The following PCSK2 variants were observed in gnomAD, a reference collection of about 807,000 sequenced individuals.
The protein encoded by PCSK2 is neuroendocrine convertase 2.
PCSK2 carries 14 observed loss-of-function variants against 69.7 expected under a neutral mutation model. The ratio of observed to expected loss-of-function variants is 0.20; its 90% confidence interval spans 0.13 to 0.31. PCSK2 has a LOEUF of 0.31. PCSK2 is among the 10% of genes least tolerant of loss of function. PCSK2 has a pLI of 1.00. For missense variants in PCSK2, 544 were observed against 842.5 expected (o/e 0.65, Z 4.39); for synonymous variants, 307 against 320.7 (o/e 0.96, Z 0.46).
At chr20:17,269,973 A>C (rs1987797962) in intron 2 of PCSK2, among the ~76,000 whole-genome samples, 1 of 152,102 alleles carries the variant, frequency 6.6e-6, no homozygotes, top group Non-Finnish European at 1.5e-5. Flanking sequence ...TTTTAAAAGA[A>C]TTTCCTGTTA....
At chr20:17,350,917 G>A (rs1425091123) in intron 2 of PCSK2, among the ~76,000 whole-genome samples, 1 of 152,028 alleles carries the variant, frequency 6.6e-6, no homozygotes, top group Non-Finnish European at 1.5e-5. Flanking sequence ...GCGAATGGCT[G>A]TAGTCCCAGC....
chr20:17,267,576 G>C (rs922333467), intron 2 of PCSK2, among the ~76,000 whole-genome samples: 4 of 152,180 alleles, frequency 2.6e-5, no homozygotes, highest in Non-Finnish European at 5.9e-5. Flanking sequence ...TATTTGTGGG[G>C]AACAGGGGAG....
chr20:17,459,561 C>T (rs933632228), intron 10 of PCSK2, among the ~76,000 whole-genome samples: 2 of 152,092 alleles, frequency 1.3e-5, no homozygotes, highest in Admixed American at 1.3e-4. Context: ...TTACAGTTGC[C>T]CCACATCCTT....
intron 5 of PCSK2, among the ~76,000 whole-genome samples, chr20:17,380,083 T>C (rs2031048015): frequency 6.6e-6 from 1 of 152,230 alleles, no homozygotes; most frequent in Non-Finnish European, 1.5e-5. Context: ...CAGTGACACC[T>C]TGATTTCAGC....
At position 17,242,658 on chromosome 20, in the gene PCSK2, C is replaced by A. The variant is rs1359847369; in HGVS notation, c.177+15176C>A. Among the ~76,000 whole-genome samples the A allele has an allele frequency of 7.2e-5, 11 of 152,250 alleles. No homozygotes were observed. The South Asian group carries it at 2.1e-3, about 29-fold the overall frequency. ...AGACCATGCTAACCTGGTGACACAT[C>A]CTAATAAGTTGAGGCTGAATGAGAT... On this transcript the variant is annotated intron_variant, in intron 1 of 11. Coordinates refer to ENST00000262545, the MANE Select transcript of PCSK2 (RefSeq NM_002594.5).
chr20:17,318,099 T>TCAA (rs1989745248), intron 2 of PCSK2, among the ~76,000 whole-genome samples: 1 of 152,230 alleles, frequency 6.6e-6, no homozygotes, highest in African/African-American at 2.4e-5. Flanking sequence ...CTGGATGTGT[T>TCAA]CTAAGATCTG....
At chr20:17,305,546 A>G (rs1018143336) in intron 2 of PCSK2, among the ~76,000 whole-genome samples, 4 of 152,170 alleles carry the variant, frequency 2.6e-5, no homozygotes, top group African/African-American at 9.7e-5. Flanking sequence ...CATGTGATTG[A>G]AACTGGTCAC....
intron 2 of PCSK2, among the ~76,000 whole-genome samples, chr20:17,291,998 T>C (rs1988713208): frequency 6.6e-6 from 1 of 152,174 alleles, no homozygotes; most frequent in Admixed American, 6.5e-5. Context: ...AAAAATATCA[T>C]TGCCCACACC....
intron 6 of PCSK2, 44 bp downstream of exon 6, chr20:17,409,383 G>T: frequency 7.5e-7 from 1 of 1,336,002 alleles, no homozygotes; most frequent in Non-Finnish European, 1.1e-6. Context: ...AGGCTTTGGG[G>T]TTTTATTCTA....
In PCSK2 at chr20:17,453,191, T is replaced by C. The variant is rs541344060; in HGVS notation, c.886-551T>C. Among the ~76,000 whole-genome samples, 17 of 152,296 alleles carry C rather than the reference T, an allele frequency of 1.1e-4. No individual in the cohort carries two copies. In the South Asian group the frequency reaches 1.9e-3, roughly 17 times the overall value. On this transcript the variant is annotated intron_variant, in intron 8 of 11. Transcript: ENST00000262545. The surrounding 1 kb of genome is among the most constrained non-coding windows in gnomAD (Gnocchi z 4.0). ...AAATGTATGCTTTATATTTATAATGTCTACATATCATATTTAAATTTATAT... is the reference window on the plus strand; with the variant it reads ...AAATGTATGCTTTATATTTATAATGCCTACATATCATATTTAAATTTATAT...
chr20:17,282,044 T>C (rs73897860), intron 2 of PCSK2, among the ~76,000 whole-genome samples: 2,802 of 152,270 alleles, frequency 0.018, 92 homozygotes, highest in African/African-American at 0.064. Flanking sequence ...GAATATTCTC[T>C]ATTAGTCTGA....
At chr20:17,341,511 G>T (rs968009931) in intron 2 of PCSK2, among the ~76,000 whole-genome samples, 2 of 152,112 alleles carry the variant, frequency 1.3e-5, no homozygotes, top group Non-Finnish European at 2.9e-5. Context: ...TCAAAGAAGG[G>T]GTCTTGCTGA....
At chr20:17,392,169 G>A (rs1322542142) in intron 5 of PCSK2, among the ~76,000 whole-genome samples, 1 of 152,100 alleles carries the variant, frequency 6.6e-6, no homozygotes, top group Non-Finnish European at 1.5e-5. Flanking sequence ...TTCTAAACTC[G>A]AGAGAATATG....
At chr20:17,308,139 T>C (rs1989385079) in intron 2 of PCSK2, among the ~76,000 whole-genome samples, 1 of 151,332 alleles carries the variant, frequency 6.6e-6, no homozygotes, top group African/African-American at 2.4e-5. Context: ...TGCTACACAC[T>C]TTTAAACAAC....
chr20:17,426,703 G>A (rs921402615), intron 6 of PCSK2, among the ~76,000 whole-genome samples: 2 of 152,184 alleles, frequency 1.3e-5, no homozygotes, highest in African/African-American at 2.4e-5. Context: ...AAGATCCAAC[G>A]TTACAGGTGA....
At chr20:17,459,920 TG>T (rs2032985351) in intron 10 of PCSK2, among the ~76,000 whole-genome samples, 1 of 152,228 alleles carries the variant, frequency 6.6e-6, no homozygotes, top group Admixed American at 6.5e-5. Flanking sequence ...CTTCTGCCTC[TG>T]ATTAGGTGTT....
chr20:17,463,059 G>A (rs1396462609), intron 10 of PCSK2, among the ~76,000 whole-genome samples: 3 of 152,162 alleles, frequency 2.0e-5, no homozygotes, highest in African/African-American at 7.2e-5. Flanking sequence ...CAGTTACACT[G>A]GAGAGTGAAC....
chr20:17,272,507 T>TTTAA (rs1165752899), intron 2 of PCSK2, among the ~76,000 whole-genome samples: 3 of 152,118 alleles, frequency 2.0e-5, no homozygotes, highest in Admixed American at 6.6e-5. Flanking sequence ...AATTTTCATC[T>TTTAA]TATTAGAGTT....
chr20:17,242,755 C>A (rs1249648828), intron 1 of PCSK2, among the ~76,000 whole-genome samples: 1 of 152,176 alleles, frequency 6.6e-6, no homozygotes, highest in Non-Finnish European at 1.5e-5. Flanking sequence ...GAGAGAGGAG[C>A]TGAAGTCACA....
Sources: gnomAD v4.1 joint callset for allele counts (sites outside exome capture counted in the v4.1 genomes callset) on GRCh38, gnomAD v4.1.1 for gene constraint, Gnocchi (gnomAD v3.1) non-coding constraint, MANE v1.5 for transcripts, NCBI Gene and HGNC (gene_info 2026-07-23, HGNC 2026-07-21) for gene names.